Variants in SLC36A1 observed in about 807,000 individuals in gnomAD.
SLC36A1 encodes proton-coupled amino acid transporter 1.
A neutral mutation model predicts 47.5 loss-of-function variants in SLC36A1; 30 were observed. The observed-to-expected ratio is 0.63, with a 90% CI of 0.47 to 0.86. SLC36A1 has a LOEUF of 0.86. Among genes scored for constraint, SLC36A1 ranks in the 40% least tolerant of loss-of-function variants. SLC36A1 has a pLI of 0.00. For missense variants in SLC36A1, 517 were observed against 606.0 expected (o/e 0.85, Z 1.54); for synonymous variants, 255 against 249.7 (o/e 1.02, Z -0.20).
chr5:151,493,730 A>T (rs1347881388), downstream of SLC36A1, among the ~76,000 whole-genome samples: 1 of 152,210 alleles, frequency 6.6e-6, no homozygotes, highest in East Asian at 1.9e-4. Context: ...GGATACACAC[A>T]CAAGTCTTCT....
the SLC36A1 span, among the ~76,000 whole-genome samples, chr5:151,373,731 T>C: frequency 1.3e-5 from 2 of 152,290 alleles, no homozygotes; most frequent in South Asian, 4.1e-4. Flanking sequence ...TTTTCCTTAT[T>C]TTTAACTTTT....
chr5:151,551,083 C>T, the SLC36A1 span, among the ~76,000 whole-genome samples: 1 of 152,150 alleles, frequency 6.6e-6, no homozygotes, highest in Non-Finnish European at 1.5e-5. Flanking sequence ...CAAAAATTTT[C>T]TGGAAGGGCC....
the SLC36A1 span, among the ~76,000 whole-genome samples, chr5:151,508,709 C>CAAAAA: frequency 3.6e-5 from 4 of 110,144 alleles, no homozygotes; most frequent in African/African-American, 1.3e-4. Context: ...AACTCCTTCT[C>CAAAAA]AAAAAAAAAA....
the SLC36A1 span, chr5:151,543,768 C>A: frequency 8.7e-6 from 14 of 1,614,056 alleles, no homozygotes; most frequent in African/African-American, 1.6e-4. Flanking sequence ...AAGCACCTAC[C>A]CTCAAATTGT....
At chr5:151,381,672 T>C in the SLC36A1 span, among the ~76,000 whole-genome samples, 2 of 152,176 alleles carry the variant, frequency 1.3e-5, no homozygotes, top group African/African-American at 4.8e-5. Context: ...ACCACCCAGA[T>C]TGATAAACTG....
At chr5:151,420,606 G>A in the SLC36A1 span, among the ~76,000 whole-genome samples, 9 of 152,160 alleles carry the variant, frequency 5.9e-5, no homozygotes, top group African/African-American at 2.2e-4. Flanking sequence ...GAGAGGGAAT[G>A]TGCTTATTTT....
rs1756541867 is a variant in SLC36A1 at position 151,467,244 on chromosome 5, C to T, written c.465C>T (p.Cys155=). The change falls in exon 6 of 11, where the codon TGC becomes TGT. Residue 155 remains cysteine (C), a synonymous_variant. Transcript: ENST00000243389. ...TGATTGTCACCCAGCTGGGATTCTG[C>T]TGTGTCTATTTTGTGTTTCTGGCTG... ...FFLIVTQLGF[C]CVYFVFLADN... is the part of the protein sequence containing the mutation. The T allele has an allele frequency of 6.2e-7, 1 of 1,610,282 alleles. No individual in the cohort carries two copies. Among genetic ancestry groups the T allele is most frequent in the African/African-American group, 1.4e-5 (1 of 73,820 alleles).
the SLC36A1 span, chr5:151,511,458 A>G: frequency 6.6e-6 from 1 of 152,312 alleles, no homozygotes; most frequent in Non-Finnish European, 1.5e-5. Context: ...TGAGCCTGTG[A>G]CTTCCACCCC....
chr5:151,531,784 G>A, the SLC36A1 span: 1 of 1,612,760 alleles, frequency 6.2e-7, no homozygotes, highest in Non-Finnish European at 8.5e-7. This position sits in a 1 kb window ranked among gnomAD's most constrained non-coding sequence, Gnocchi z 5.7. Flanking sequence ...CACCGAGACT[G>A]TGACGGTGCC....
At chr5:151,410,805 T>C in the SLC36A1 span, among the ~76,000 whole-genome samples, 1 of 144,754 alleles carries the variant, frequency 6.9e-6, no homozygotes, top group African/African-American at 2.5e-5. Flanking sequence ...ATCAAGAGTT[T>C]CTCAACCTCA....
At chr5:151,465,248 A>G in intron 5 of SLC36A1, 79 bp downstream of exon 5, 2 of 1,121,406 alleles carry the variant, frequency 1.8e-6, no homozygotes, top group Non-Finnish European at 1.4e-6. Context: ...CGTGGGAGAC[A>G]GTGTAAAGCG....
intron 1 of SLC36A1, among the ~76,000 whole-genome samples, chr5:151,457,757 G>C (rs1754781591): frequency 1.3e-5 from 2 of 152,174 alleles, no homozygotes. Context: ...CAGAGAGAAA[G>C]AGAACGGCAT....
the SLC36A1 span, chr5:151,531,728 T>G: frequency 1.2e-6 from 2 of 1,613,810 alleles, no homozygotes; most frequent in Admixed American, 3.3e-5. This position sits in a 1 kb window ranked among gnomAD's most constrained non-coding sequence, Gnocchi z 5.7. Context: ...ACCTGCACGC[T>G]GTGCTCGGTG....
chr5:151,405,648 T>C, the SLC36A1 span, among the ~76,000 whole-genome samples: 1 of 152,168 alleles, frequency 6.6e-6, no homozygotes, highest in Admixed American at 6.5e-5. Context: ...AAGAAAATGC[T>C]CTGGCTTTTC....
the SLC36A1 span, among the ~76,000 whole-genome samples, chr5:151,400,810 G>C: frequency 6.6e-6 from 1 of 152,026 alleles, no homozygotes; most frequent in Non-Finnish European, 1.5e-5. Flanking sequence ...GTGGCCACTT[G>C]TATGTCTTCT....
the SLC36A1 span, chr5:151,512,232 G>GA: frequency 6.2e-7 from 1 of 1,614,224 alleles, no homozygotes; most frequent in Non-Finnish European, 8.5e-7. This position sits in a 1 kb window ranked among gnomAD's most constrained non-coding sequence, Gnocchi z 4.1. Flanking sequence ...AGTCACTGTG[G>GA]AGGCAGCACT....
chr5:151,408,033 AT>A, the SLC36A1 span, among the ~76,000 whole-genome samples: 2 of 152,228 alleles, frequency 1.3e-5, no homozygotes, highest in African/African-American at 4.8e-5. Flanking sequence ...AGCAGGGATT[AT>A]TATCTTCATT....
the SLC36A1 span, among the ~76,000 whole-genome samples, chr5:151,498,188 A>G: frequency 1.5e-4 from 23 of 151,944 alleles, no homozygotes; most frequent in East Asian, 4.3e-3. Flanking sequence ...CAGGTGATCC[A>G]CCCACCTCGG....
At chr5:151,421,172 C>CTG in the SLC36A1 span, among the ~76,000 whole-genome samples, 1 of 139,422 alleles carries the variant, frequency 7.2e-6, no homozygotes, top group East Asian at 2.1e-4. Flanking sequence ...CACGCCCTTT[C>CTG]TCTCCTTCCT....
Sources: gnomAD v4.1 joint callset for allele counts (sites outside exome capture counted in the v4.1 genomes callset) on GRCh38, gnomAD v4.1.1 for gene constraint, Gnocchi (gnomAD v3.1) non-coding constraint, MANE v1.5 for transcripts, NCBI Gene and HGNC (gene_info 2026-07-23, HGNC 2026-07-21) for gene names.